The following LAMA3 variants were observed in gnomAD, a reference collection of about 807,000 sequenced individuals.
The protein encoded by LAMA3 is laminin subunit alpha-3.
Under a neutral mutation model 402.0 loss-of-function variants are expected in LAMA3, and 281 were observed. The observed-to-expected ratio is 0.70, with a 90% CI of 0.63 to 0.77. The LOEUF (loss-of-function observed/expected upper bound fraction) is 0.77. LAMA3 is among the 30% of genes least tolerant of loss of function. LAMA3 has a pLI of 0.00. For synonymous variants in LAMA3, 1,431 were observed against 1,558.4 expected (o/e 0.92, Z 1.93); for missense variants, 3,840 against 4,215.5 (o/e 0.91, Z 2.47).
chr18:23,819,049 AAAGTTGT>A (rs1363555999), intron 18 of LAMA3, among the ~76,000 whole-genome samples: 13 of 152,208 alleles, frequency 8.5e-5, no homozygotes, highest in Non-Finnish European at 1.5e-5. Context: ...TGCTTCCAGA[AAAGTTGT>A]AAGCATTCCT....
intron 31 of LAMA3, among the ~76,000 whole-genome samples, chr18:23,847,096 C>G (rs2063833452): frequency 6.6e-6 from 1 of 152,238 alleles, no homozygotes; most frequent in Non-Finnish European, 1.5e-5. Flanking sequence ...TGACCCTGGG[C>G]TCTGGACGCA....
chr18:23,762,410 G>T (rs894917108), intron 7 of LAMA3, among the ~76,000 whole-genome samples: 2 of 151,198 alleles, frequency 1.3e-5, no homozygotes, highest in African/African-American at 4.9e-5. Flanking sequence ...TCAACATGGT[G>T]AAACCCCATC....
At position 23,879,537 on chromosome 18, in the gene LAMA3, T is replaced by C. The variant is rs555611052; in HGVS notation, c.5113-2399T>C. The stretch of plus-strand genomic sequence containing the variant: ...GTACCCCGAGTCGAGGGACCAACCC[T>C]TCTTTACATCGCTAGAGCCTAGCAT... On this transcript the variant is annotated intron_variant, in intron 39 of 74. Transcript: ENST00000313654. This position sits in a 1 kb window ranked among gnomAD's most constrained non-coding sequence, Gnocchi z 4.2. Among the ~76,000 whole-genome samples, 1 of 152,342 alleles carries C rather than the reference T, an allele frequency of 6.6e-6. No individual in the cohort carries two copies. Among genetic ancestry groups the C allele is most frequent in the African/African-American group, 2.4e-5 (1 of 41,578 alleles).
chr18:23,886,034 ACAT>A (rs1405082935), intron 41 of LAMA3, among the ~76,000 whole-genome samples: 1 of 152,260 alleles, frequency 6.6e-6, no homozygotes. Flanking sequence ...TTCACTGATA[ACAT>A]CACATCAATG....
chr18:23,885,340 C>A lies in LAMA3; in HGVS notation c.5303+487C>A, dbSNP rs2065039238. On this transcript the variant is annotated intron_variant, in intron 41 of 74. Transcript: ENST00000313654. ...CTAGATAGCCCCCCCACCCCCCCACCCCCACCCCCACCCCACACACACCCC... is the reference window on the plus strand; with the variant it reads ...CTAGATAGCCCCCCCACCCCCCCACACCCACCCCCACCCCACACACACCCC... 2.9e-5 allele frequency among the ~76,000 whole-genome samples: 4 copies of A among 137,654 alleles called. No individual in the cohort carries two copies. In the South Asian group the frequency reaches 1.1e-3, roughly 38 times the overall value. The allele number at this position is 137,654 out of a possible 152,430, so 90.3% of individuals were successfully genotyped here. A position where few individuals can be genotyped will look rare whatever the true frequency, so the allele number is the denominator to read the frequency against.
In LAMA3 at chr18:23,857,716, G is replaced by T; in HGVS notation, c.4137-128G>T. On this transcript the variant is annotated intron_variant, in intron 32 of 74. Coordinates refer to ENST00000313654, the MANE Select transcript of LAMA3 (RefSeq NM_198129.4). ...ATCTGCCTCTCTCCATTCTGCCTTG[G>T]ACTATAAGCAGGCATTGTATCTATT... The T allele has an allele frequency of 2.6e-6, 3 of 1,165,024 alleles. No homozygotes were observed. In the Admixed American group the frequency reaches 5.1e-5, roughly 20 times the overall value. The allele number at this position is 1,165,024 out of a possible 1,614,324, so 72.2% of individuals were successfully genotyped here.
In LAMA3 at chr18:23,727,513, A is replaced by G. The variant is rs2061320494; in HGVS notation, c.447+13441A>G. On this transcript the variant is annotated intron_variant, in intron 2 of 74. Coordinates refer to ENST00000313654, the MANE Select transcript of LAMA3 (RefSeq NM_198129.4). ...GCTAATTTTTGTATTTTTACTACAG[A>G]TGGGGTTTTGCCATGTTGGCCAGGC... is the stretch of plus-strand genomic sequence containing the variant. Among the ~76,000 whole-genome samples, 3 of 151,964 alleles carry G rather than the reference A, an allele frequency of 2.0e-5. No individual in the cohort carries two copies. In the South Asian group the frequency reaches 6.2e-4, roughly 32 times the overall value.
chr18:23,884,176 T>A (rs1423910029), intron 40 of LAMA3, among the ~76,000 whole-genome samples: 1 of 151,926 alleles, frequency 6.6e-6, no homozygotes, highest in Non-Finnish European at 1.5e-5. Context: ...ATATCACCAC[T>A]TTAGAGCTAA....
intron 24 of LAMA3, among the ~76,000 whole-genome samples, chr18:23,836,349 AAC>A (rs1181177354): frequency 6.6e-6 from 1 of 152,234 alleles, no homozygotes; most frequent in African/African-American, 2.4e-5. Context: ...GAAAATTTGC[AAC>A]AGAGTATGAA....
chr18:23,798,806 A>G (rs1350045867), intron 12 of LAMA3, among the ~76,000 whole-genome samples: 2 of 152,198 alleles, frequency 1.3e-5, no homozygotes, highest in Non-Finnish European at 2.9e-5. Context: ...CAAGGTGCCA[A>G]TCGGCCTTTC....
intron 2 of LAMA3, among the ~76,000 whole-genome samples, chr18:23,723,510 T>A (rs2061247903): frequency 6.6e-6 from 1 of 151,376 alleles, no homozygotes; most frequent in African/African-American, 2.4e-5. Context: ...AAAAAAAAAA[T>A]GTGCCTATAT....
At chr18:23,905,456 G>A (rs563743394) in intron 51 of LAMA3, 66 bp from the exon 52 acceptor site, 4 of 916,320 alleles carry the variant, frequency 4.4e-6, no homozygotes, top group Non-Finnish European at 7.2e-6. Flanking sequence ...GACTAGGATA[G>A]AAATCTTATT....
chr18:23,873,540 A>G (rs563161161), intron 38 of LAMA3, among the ~76,000 whole-genome samples: 1 of 152,222 alleles, frequency 6.6e-6, no homozygotes, highest in Non-Finnish European at 1.5e-5. Context: ...TCCAATGCCT[A>G]TAGCTTTCCA....
chr18:23,715,113 A>C (rs1019927199), intron 2 of LAMA3, among the ~76,000 whole-genome samples: 2 of 152,122 alleles, frequency 1.3e-5, no homozygotes, highest in African/African-American at 2.4e-5. Context: ...GTTTTGGAGG[A>C]AATTGGGGCG....
chr18:23,833,752 T>G (rs953967969), intron 23 of LAMA3, 76 bp from the exon 24 acceptor site: 13 of 1,536,222 alleles, frequency 8.5e-6, no homozygotes, highest in Non-Finnish European at 1.2e-5. Flanking sequence ...GGCTCTATTT[T>G]CACCATTGCT....
chr18:23,953,053 A>G lies in LAMA3; in HGVS notation c.9800A>G (p.Gln3267Arg), dbSNP rs769572074. 8 of 1,614,066 alleles carry G rather than the reference A, an allele frequency of 5.0e-6. No homozygotes were observed. The East Asian group carries it at 1.8e-4, about 36-fold the overall frequency. The change falls in exon 74 of 75, where the codon CAG (glutamine) becomes CGG (arginine). Residue 3267 changes from glutamine (Q) to arginine (R), a missense_variant. Gln to Arg is a conservative substitution (Grantham distance 43). Coordinates refer to ENST00000313654, the MANE Select transcript of LAMA3 (RefSeq NM_198129.4). ...ACAGACAGTAGCTACACAGCTGGACAGATCCCCTTCCCACCTGCCAGCACT... is the reference window on the plus strand; with the variant it reads ...ACAGACAGTAGCTACACAGCTGGACGGATCCCCTTCCCACCTGCCAGCACT... ...LDTDSSYTAG[Q>R]IPFPPASTQE...
At chr18:23,861,867 C>G in intron 35 of LAMA3, 60 bp downstream of exon 35, 16 of 1,506,798 alleles carry the variant, frequency 1.1e-5, no homozygotes, top group Admixed American at 2.0e-5. Context: ...GCTGCATGAG[C>G]ATCATTTCCT....
chr18:23,882,996 A>T (rs2064951688), intron 40 of LAMA3, among the ~76,000 whole-genome samples: 1 of 152,248 alleles, frequency 6.6e-6, no homozygotes. Context: ...GCCTGAAGTT[A>T]GAGGAAGCCA....
At chr18:23,872,957 A>G in intron 38 of LAMA3, 1 of 1,555,594 alleles carries the variant, frequency 6.4e-7, no homozygotes, top group Non-Finnish European at 8.8e-7. Context: ...CACCTGAGTC[A>G]GGCAGGCCCG....
Sources: gnomAD v4.1 joint callset for allele counts (sites outside exome capture counted in the v4.1 genomes callset) on GRCh38, gnomAD v4.1.1 for gene constraint, Gnocchi (gnomAD v3.1) non-coding constraint, MANE v1.5 for transcripts, NCBI Gene and HGNC (gene_info 2026-07-23, HGNC 2026-07-21) for gene names.